The following HPSE2 variants were observed in gnomAD, a reference collection of about 807,000 sequenced individuals.
HPSE2 encodes inactive heparanase-2.
HPSE2 carries 38 observed loss-of-function variants against 60.5 expected under a neutral mutation model. That is an observed-to-expected ratio of 0.63 (90% CI 0.48 to 0.82). The LOEUF (loss-of-function observed/expected upper bound fraction) is 0.82. Ranked by LOEUF, HPSE2 falls within the 40% of genes least tolerant of loss-of-function variation. The pLI, the probability that HPSE2 is intolerant of heterozygous loss-of-function variation, is 0.00. For synonymous variants in HPSE2, 295 were observed against 293.2 expected, an observed-to-expected ratio of 1.01 and a Z score of -0.06; for missense variants, 713 against 740.4, an observed-to-expected ratio of 0.96 and a Z score of 0.43.
intron 9 of HPSE2, among the ~76,000 whole-genome samples, chr10:98,533,023 A>G (rs574194526): frequency 4.6e-5 from 7 of 152,322 alleles, no homozygotes; most frequent in Admixed American, 3.9e-4. Context: ...CTAGAACTAG[A>G]TATGTGTCTT....
chr10:98,470,686 T>A (rs775559820), intron 11 of HPSE2, among the ~76,000 whole-genome samples: 2 of 152,224 alleles, frequency 1.3e-5, no homozygotes, highest in African/African-American at 2.4e-5. Context: ...ATCAACTGTT[T>A]AGAAATATGT....
intron 3 of HPSE2, among the ~76,000 whole-genome samples, chr10:99,093,589 G>T (rs1183112948): frequency 6.6e-6 from 1 of 152,110 alleles, no homozygotes; most frequent in East Asian, 1.9e-4. Context: ...TTCCAAGATG[G>T]TGCCTTGCAT....
chr10:98,862,671 A>C (rs970170422), intron 3 of HPSE2, among the ~76,000 whole-genome samples: 2 of 152,208 alleles, frequency 1.3e-5, no homozygotes, highest in Non-Finnish European at 2.9e-5. Flanking sequence ...GGAATTGTAC[A>C]TGAAGCCCCA....
At chr10:98,625,672 A>C (rs1012305918) in intron 7 of HPSE2, among the ~76,000 whole-genome samples, 2 of 152,226 alleles carry the variant, frequency 1.3e-5, no homozygotes, top group African/African-American at 2.4e-5. Context: ...ATGTTGCTAT[A>C]GGCTAAATGA....
rs144893055 is a variant in HPSE2, at chr10:98,749,617, G to A, written c.611-5561C>T. On this transcript the variant is annotated intron_variant, in intron 3 of 11. Coordinates refer to ENST00000370552, the MANE Select transcript of HPSE2 (RefSeq NM_021828.5). ...AAGCAATACACACTCAGTAGAAATC[G>A]TACTTCAAATACACAACCATTTTGT... Among the ~76,000 whole-genome samples the A allele has an allele frequency of 3.7e-3, 563 of 151,082 alleles. 4 individuals are homozygous for A. The highest frequency in any genetic ancestry group is 0.013 in the African/African-American group (538 of 41,312).
chr10:99,227,382 G>C (rs1025987505), intron 2 of HPSE2, among the ~76,000 whole-genome samples: 20 of 152,044 alleles, frequency 1.3e-4, no homozygotes, highest in African/African-American at 4.6e-4. Context: ...CAAAAGTAAA[G>C]GCAAGGTAGA....
chr10:98,590,372 G>A (rs1945055813), intron 9 of HPSE2, among the ~76,000 whole-genome samples: 1 of 152,238 alleles, frequency 6.6e-6, no homozygotes, highest in Non-Finnish European at 1.5e-5. Flanking sequence ...AACCCAGGAG[G>A]CGGAGCTTGC....
At position 98,615,805 on chromosome 10, in the gene HPSE2, T is replaced by C. The variant is rs559881710; in HGVS notation, c.1206-787A>G. On this transcript the variant is annotated intron_variant, in intron 8 of 11. Transcript: ENST00000370552. ...TCTTTCTCTTCCTAATTCTGAAACT[T>C]AGGGAAACTTCTACTTGTAATAATA... 4.6e-5 allele frequency among the ~76,000 whole-genome samples: 7 copies of C among 152,326 alleles called. No homozygotes were observed. The East Asian group carries it at 5.8e-4, about 13-fold the overall frequency.
At chr10:99,169,065 C>T (rs556177230) in intron 2 of HPSE2, among the ~76,000 whole-genome samples, 50 of 151,630 alleles carry the variant, frequency 3.3e-4, no homozygotes, top group African/African-American at 1.1e-3. Context: ...TGGTGGTGGG[C>T]GCCTGTAGTC....
At chr10:98,797,737 G>A (rs1008434440) in intron 3 of HPSE2, among the ~76,000 whole-genome samples, 1 of 151,988 alleles carries the variant, frequency 6.6e-6, no homozygotes, top group East Asian at 1.9e-4. Flanking sequence ...CCAGCTACTC[G>A]GGAGGCTGAG....
the HPSE2 span, among the ~76,000 whole-genome samples, chr10:99,283,201 AAAAAAAAAAAAAAAAC>A: frequency 2.5e-4 from 7 of 27,942 alleles, no homozygotes; most frequent in African/African-American, 4.9e-4. Flanking sequence ...AAAAAAAAAA[AAAAAAAAAAAAAAAAC>A]AGAAGGATTT....
intron 3 of HPSE2, among the ~76,000 whole-genome samples, chr10:98,793,394 A>G (rs1284599776): frequency 6.6e-6 from 1 of 152,146 alleles, no homozygotes; most frequent in Non-Finnish European, 1.5e-5. Context: ...ACTTCCAACA[A>G]CTGATTTCTT....
chr10:98,463,534 G>A (rs1940396622), intron 11 of HPSE2, among the ~76,000 whole-genome samples: 2 of 152,266 alleles, frequency 1.3e-5, no homozygotes, highest in Non-Finnish European at 2.9e-5. Flanking sequence ...GGGTGTGGTG[G>A]CTCATGCCTG....
intron 6 of HPSE2, among the ~76,000 whole-genome samples, chr10:98,670,687 A>G (rs1345466372): frequency 1.3e-5 from 2 of 152,226 alleles, no homozygotes; most frequent in African/African-American, 4.8e-5. Context: ...TCAACTCATA[A>G]CTTAGAAACC....
intron 2 of HPSE2, among the ~76,000 whole-genome samples, chr10:99,179,300 T>C (rs1847660948): frequency 1.3e-5 from 2 of 152,144 alleles, no homozygotes; most frequent in Admixed American, 6.6e-5. Flanking sequence ...AAATCAAGGG[T>C]ATTCAAATAG....
intron 6 of HPSE2, 121 bp from the exon 7 acceptor site, chr10:98,642,061 T>A (rs1483899568): frequency 1.2e-6 from 1 of 820,508 alleles, no homozygotes; most frequent in African/African-American, 1.7e-5. Context: ...CGGGCTCTCA[T>A]ATTCTAAAAG....
At chr10:99,232,929 C>A (rs535103683) in intron 1 of HPSE2, among the ~76,000 whole-genome samples, 2 of 152,382 alleles carry the variant, frequency 1.3e-5, no homozygotes, top group African/African-American at 4.8e-5. Context: ...GGCTTCCGAC[C>A]GTTGCCAAAA....
At chr10:99,211,233 A>G (rs1293382045) in intron 2 of HPSE2, among the ~76,000 whole-genome samples, 1 of 152,174 alleles carries the variant, frequency 6.6e-6, no homozygotes, top group Non-Finnish European at 1.5e-5. Context: ...TACACATAAG[A>G]GCTATCCCAT....
chr10:99,127,476 C>T (rs1310196697), intron 3 of HPSE2, among the ~76,000 whole-genome samples: 2 of 152,136 alleles, frequency 1.3e-5, no homozygotes, highest in Non-Finnish European at 2.9e-5. Flanking sequence ...ATGAACAAAG[C>T]TTCCAAGAAA....
Sources: gnomAD v4.1 joint callset for allele counts (sites outside exome capture counted in the v4.1 genomes callset) on GRCh38, gnomAD v4.1.1 for gene constraint, MANE v1.5 for transcripts, NCBI Gene and HGNC (gene_info 2026-07-23, HGNC 2026-07-21) for gene names.